The following NYX variants were observed in gnomAD, a reference collection of about 807,000 sequenced individuals.
The protein encoded by NYX is nyctalopin, also known as leucine-rich repeat protein.
For missense variants in NYX, 481 were observed against 485.4 expected (o/e 0.99, Z 0.09); for synonymous variants, 258 against 245.7 (o/e 1.05, Z -0.47).
Position 41,474,670 on chromosome X carries a change from C to A in NYX, c.1202C>A (p.Ala401Glu). 1 of 1,197,986 alleles carries A rather than the reference C, an allele frequency of 8.3e-7. No individual in the cohort carries two copies. Among genetic ancestry groups the A allele is most frequent in the Non-Finnish European group, 1.1e-6 (1 of 889,556 alleles). The change falls in exon 3 of 3, where the codon GCG (alanine) becomes GAG (glutamate). Residue 401 changes from alanine to glutamate, a missense_variant. Coordinates refer to ENST00000378220, the MANE Select transcript of NYX (RefSeq NM_001378477.3). ...TSSPGPSPEP[A>E]ATTVSRFSSL... ...AGTCCAGGCCCGTCCCCAGAACCAG[C>A]GGCCACCACCGTGAGCAGGTTCAGC...
intron 2 of NYX, among the ~76,000 whole-genome samples, chrX:41,463,860 C>T (rs765726888): frequency 9.8e-5 from 11 of 111,728 alleles, no homozygotes; most frequent in Non-Finnish European, 2.1e-4. Context: ...GGTGAGCCAC[C>T]GTGCCGGCCA....
intron 2 of NYX, among the ~76,000 whole-genome samples, chrX:41,449,548 C>G (rs1377584463): frequency 9.0e-6 from 1 of 111,214 alleles, no homozygotes; most frequent in Non-Finnish European, 1.9e-5. Flanking sequence ...TATATAATTA[C>G]TAACAGTCAA....
At chrX:41,450,353 T>A (rs1414675619) in intron 2 of NYX, among the ~76,000 whole-genome samples, 5 of 111,317 alleles carry the variant, frequency 4.5e-5, no homozygotes, top group African/African-American at 1.6e-4. Context: ...CTCAGCTCAC[T>A]GCAACCTCTG....
chrX:41,473,999 C>T lies in NYX; in HGVS notation c.531C>T (p.Ala177=), dbSNP rs1314714002. The change falls in exon 3 of 3, where the codon GCC becomes GCT. Residue 177 remains alanine, a synonymous_variant. Coordinates refer to ENST00000378220, the MANE Select transcript of NYX (RefSeq NM_001378477.3). ...RRVPGALRGL[A]NLTHAHLERG... ...TGCCGGGCGCGCTGCGCGGCCTGGC[C>T]AACCTGACGCACGCGCACCTGGAGC... 2.8e-6 allele frequency: 3 copies of T among 1,065,951 alleles called. No homozygotes were observed. The highest frequency in any genetic ancestry group is 8.5e-5 in the East Asian group (2 of 23,420). The allele number at this position is 1,065,951 out of a possible 1,213,427, so 87.8% of individuals were successfully genotyped here.
At position 41,473,994 on chromosome X, in the gene NYX, C is replaced by T; in HGVS notation, c.526C>T (p.Leu176=). 1 of 1,066,621 alleles carries T rather than the reference C, an allele frequency of 9.4e-7. No homozygotes were observed. The highest frequency in any genetic ancestry group is 1.2e-6 in the Non-Finnish European group (1 of 831,287). 87.9% of individuals were successfully genotyped at this position (1,066,621 alleles called of 1,213,427 possible). A position where few individuals can be genotyped will look rare whatever the true frequency, so the allele number is the denominator to read the frequency against. ...CCGCGTGCCGGGCGCGCTGCGCGGCCTGGCCAACCTGACGCACGCGCACCT... is the reference window on the plus strand; with the variant it reads ...CCGCGTGCCGGGCGCGCTGCGCGGCTTGGCCAACCTGACGCACGCGCACCT... ...FRRVPGALRG[L]ANLTHAHLER... is the part of the protein sequence containing the mutation. Residue 176 remains leucine, a synonymous_variant, in exon 3 of 3, where the codon CTG becomes TTG. Coordinates refer to ENST00000378220, the MANE Select transcript of NYX (RefSeq NM_001378477.3).
At chrX:41,472,604 C>T in intron 2 of NYX, 3 of 486,746 alleles carry the variant, frequency 6.2e-6, no homozygotes, top group African/African-American at 2.3e-5. Flanking sequence ...ACCATCAGGG[C>T]CTCGGGGCAG....
Position 41,474,600 on chromosome X carries a change from G to A in NYX, c.1132G>A (p.Asp378Asn), listed in dbSNP as rs756209419. 9.2e-6 allele frequency: 11 copies of A among 1,196,728 alleles called. No individual in the cohort carries two copies. The highest frequency in any genetic ancestry group is 7.0e-5 in the African/African-American group (4 of 56,995). The change falls in exon 3 of 3, where the codon GAT becomes AAT. Residue 378 changes from aspartate (D) to asparagine (N), a missense_variant. Transcript: ENST00000378220. ...CCAGGTGACCTTCGGGCGCTCCTCC[G>A]ATGGCCTCTGTGTGGACCCCGAGGA... ...LSQVTFGRSS[D>N]GLCVDPEELN...
At chrX:41,464,171 G>C (rs1335453908) in intron 2 of NYX, among the ~76,000 whole-genome samples, 2 of 105,150 alleles carry the variant, frequency 1.9e-5, no homozygotes, top group Non-Finnish European at 3.9e-5. Context: ...TTTAAAACAA[G>C]GTCTGGCTCT....
At chrX:41,464,065 A>G (rs1263377269) in intron 2 of NYX, among the ~76,000 whole-genome samples, 2 of 111,409 alleles carry the variant, frequency 1.8e-5, no homozygotes, top group East Asian at 5.6e-4. Context: ...TCATTTCTGA[A>G]GATATTTTTA....
At chrX:41,457,335 A>C (rs2064302488) in intron 2 of NYX, among the ~76,000 whole-genome samples, 1 of 105,650 alleles carries the variant, frequency 9.5e-6, no homozygotes, top group Admixed American at 1.0e-4. Context: ...AAGGCCTCAG[A>C]GAGCTCCCTT....
At chrX:41,472,535 TC>T in intron 2 of NYX, 1 of 578,073 alleles carries the variant, frequency 1.7e-6, no homozygotes, top group Non-Finnish European at 2.9e-6. Flanking sequence ...CTCCTGGATT[TC>T]AAGAACCTCT....
intron 2 of NYX, among the ~76,000 whole-genome samples, chrX:41,470,694 CAAA>C (rs554668854): frequency 1.7e-5 from 1 of 57,351 alleles, no homozygotes. Flanking sequence ...GACTCTGTCT[CAAA>C]AAAAAAAAAA....
chrX:41,453,491 T>C (rs928546975), intron 2 of NYX, among the ~76,000 whole-genome samples: 2 of 108,954 alleles, frequency 1.8e-5, no homozygotes, highest in South Asian at 4.1e-4. Context: ...AGTCTTGCTC[T>C]GTCGCCCAGG....
chrX:41,447,960 GA>G, intron 2 of NYX, 34 bp downstream of exon 2: 1 of 1,191,982 alleles, frequency 8.4e-7, no homozygotes, highest in Non-Finnish European at 1.1e-6. Flanking sequence ...CAAGGGTTGG[GA>G]AGAGGGGTGG....
At chrX:41,460,534 ATTCTTT>A (rs2064314709) in intron 2 of NYX, among the ~76,000 whole-genome samples, 3 of 111,877 alleles carry the variant, frequency 2.7e-5, no homozygotes, top group African/African-American at 9.7e-5. Context: ...AAAAAATTTT[ATTCTTT>A]TTCTTTGCTG....
At chrX:41,451,845 G>A (rs772195912) in intron 2 of NYX, among the ~76,000 whole-genome samples, 2 of 110,939 alleles carry the variant, frequency 1.8e-5, no homozygotes, top group Non-Finnish European at 3.8e-5. Flanking sequence ...TCTAAAACAG[G>A]CAAAACTAAT....
intron 2 of NYX, among the ~76,000 whole-genome samples, chrX:41,454,666 G>A (rs2064293153): frequency 9.1e-6 from 1 of 109,893 alleles, no homozygotes. Context: ...GAGCGCAGTG[G>A]CACAGGCACA....
intron 2 of NYX, among the ~76,000 whole-genome samples, chrX:41,465,272 C>T (rs747694435): frequency 8.1e-5 from 9 of 110,502 alleles, no homozygotes; most frequent in Non-Finnish European, 1.5e-4. Flanking sequence ...CTGGATACTG[C>T]GGAGCCAGTG....
chrX:41,473,130 G>A (rs1310465698), intron 2 of NYX, among the ~76,000 whole-genome samples: 1 of 111,818 alleles, frequency 8.9e-6, no homozygotes, highest in Non-Finnish European at 1.9e-5. Flanking sequence ...CATTCAGTCA[G>A]TGCCGAAACA....
Sources: allele counts gnomAD v4.1 joint callset (sites outside exome capture counted in the v4.1 genomes callset), GRCh38; gene constraint gnomAD v4.1.1; transcripts MANE v1.5; gene names NCBI Gene and HGNC (gene_info 2026-07-23, HGNC 2026-07-21).